Variants in VDAC1 observed in about 807,000 individuals in gnomAD.
VDAC1 encodes the protein non-selective voltage-gated ion channel VDAC1.
Under a neutral mutation model 34.7 loss-of-function variants are expected in VDAC1, and 10 were observed. The ratio of observed to expected loss-of-function variants is 0.29; its 90% CI spans 0.18 to 0.49. The LOEUF (loss-of-function observed/expected upper bound fraction) is 0.49, where lower values mean the gene tolerates loss of function less well. Ranked by LOEUF, VDAC1 falls within the 20% of genes least tolerant of loss-of-function variation. VDAC1 has a pLI of 0.99. For missense variants in VDAC1, 230 were observed against 347.9 expected (o/e 0.66, Z 2.69); for synonymous variants, 130 against 136.0 (o/e 0.96, Z 0.30).
At chr5:134,053,987 A>G in the VDAC1 span, among the ~76,000 whole-genome samples, 104,294 of 151,990 alleles carry the variant, frequency 0.69, 36,573 homozygotes, top group Admixed American at 0.78. Context: ...TTTGTTGTGC[A>G]AGCTGCTGTT....
chr5:134,042,555 G>T, the VDAC1 span, among the ~76,000 whole-genome samples: 1 of 152,092 alleles, frequency 6.6e-6, no homozygotes, highest in South Asian at 2.1e-4. Context: ...GTGCAGTGGT[G>T]CAATCTCAGC....
In VDAC1 at chr5:133,971,925, A is replaced by G. The variant is rs996331296; in HGVS notation, c.*846T>C. 1.3e-5 allele frequency: 2 copies of G among 152,694 alleles called. No homozygotes were observed. The highest frequency in any genetic ancestry group is 2.9e-5 in the Non-Finnish European group (2 of 68,050). The allele number at this position is 152,694 out of a possible 1,614,324, so 9.5% of individuals were successfully genotyped here. On this transcript the variant is annotated 3_prime_UTR_variant, in exon 9 of 9. Coordinates refer to ENST00000265333, the MANE Select transcript of VDAC1 (RefSeq NM_003374.3). The stretch of plus-strand genomic sequence containing the variant: ...ACAACAGAAGAAGGATGAGGTTTCA[A>G]TATTTTATTCAAGTTTTTTAAGTGT...
the VDAC1 span, among the ~76,000 whole-genome samples, chr5:134,078,342 G>A: frequency 7.2e-5 from 11 of 152,176 alleles, no homozygotes; most frequent in African/African-American, 2.2e-4. Flanking sequence ...CGAGGGATTC[G>A]GCTGAAAGTT....
At chr5:134,073,328 C>T in the VDAC1 span, among the ~76,000 whole-genome samples, 2 of 152,202 alleles carry the variant, frequency 1.3e-5, no homozygotes, top group Non-Finnish European at 2.9e-5. Flanking sequence ...AGGGGCATCG[C>T]ATGGGAACTT....
the VDAC1 span, among the ~76,000 whole-genome samples, chr5:134,018,138 G>A: frequency 2.6e-5 from 4 of 152,290 alleles, no homozygotes; most frequent in African/African-American, 7.2e-5. Flanking sequence ...AGCATGGTGC[G>A]GGCATCTGCT....
chr5:134,080,140 G>A, the VDAC1 span, among the ~76,000 whole-genome samples: 81 of 152,344 alleles, frequency 5.3e-4, no homozygotes, highest in South Asian at 3.1e-3. Flanking sequence ...CTGAGCATTG[G>A]CCTCTCTCAG....
At chr5:134,022,365 T>C in the VDAC1 span, among the ~76,000 whole-genome samples, 3 of 152,344 alleles carry the variant, frequency 2.0e-5, no homozygotes, top group Non-Finnish European at 2.9e-5. Context: ...AGAAATTTAT[T>C]GGCACACAGT....
rs1580703462 is a variant in VDAC1, at chr5:133,972,361, A to G, written c.*410T>C. 2 of 373,878 alleles carry G rather than the reference A, an allele frequency of 5.3e-6. No individual in the cohort carries two copies. The highest frequency in any genetic ancestry group is 9.5e-6 in the Non-Finnish European group (2 of 210,576). The allele number at this position is 373,878 out of a possible 1,614,324, so 23.2% of individuals were successfully genotyped here. A position where few individuals can be genotyped will look rare whatever the true frequency, so the allele number is the denominator to read the frequency against. On this transcript the variant is annotated 3_prime_UTR_variant, in exon 9 of 9. Transcript: ENST00000265333. ...TGTCTAAAAAAGTCCCATTCAGGTGAGTTTGTACACACCATCAAGCAGCGA... is the reference window on the plus strand; with the variant it reads ...TGTCTAAAAAAGTCCCATTCAGGTGGGTTTGTACACACCATCAAGCAGCGA...
At chr5:134,098,217 CAG>C in the VDAC1 span, among the ~76,000 whole-genome samples, 1 of 140,558 alleles carries the variant, frequency 7.1e-6, no homozygotes. Context: ...TATTTTGAGA[CAG>C]AGTCTTGCTC....
the VDAC1 span, among the ~76,000 whole-genome samples, chr5:134,026,981 T>C: frequency 6.6e-6 from 1 of 152,238 alleles, no homozygotes; most frequent in Admixed American, 6.5e-5. Context: ...AAGGGCAACC[T>C]GGCCCTGGAC....
chr5:134,056,738 T>C, the VDAC1 span, among the ~76,000 whole-genome samples: 1 of 152,214 alleles, frequency 6.6e-6, no homozygotes, highest in Non-Finnish European at 1.5e-5. Context: ...CAGGCTGGAG[T>C]GCAATGGCAC....
chr5:134,100,688 C>T, the VDAC1 span, among the ~76,000 whole-genome samples: 13 of 152,260 alleles, frequency 8.5e-5, no homozygotes, highest in Admixed American at 6.5e-5. Flanking sequence ...GTCGGGGAAT[C>T]CCCTCCAGCT....
the VDAC1 span, among the ~76,000 whole-genome samples, chr5:134,014,891 CA>C: frequency 6.6e-6 from 1 of 151,992 alleles, no homozygotes; most frequent in Non-Finnish European, 1.5e-5. Flanking sequence ...ATCATTCTAC[CA>C]AAAAGACAAA....
At chr5:134,010,254 C>T in the VDAC1 span, among the ~76,000 whole-genome samples, 2 of 152,192 alleles carry the variant, frequency 1.3e-5, no homozygotes, top group African/African-American at 4.8e-5. Flanking sequence ...TGGTTTCCAG[C>T]TTGGGCATAT....
intron 8 of VDAC1, among the ~76,000 whole-genome samples, chr5:133,973,578 C>T (rs569386100): frequency 6.6e-6 from 1 of 152,278 alleles, no homozygotes; most frequent in Admixed American, 6.5e-5. Flanking sequence ...TAGCCTCAGC[C>T]TTTTTCCTCC....
chr5:134,096,447 C>T, the VDAC1 span, among the ~76,000 whole-genome samples: 1 of 152,234 alleles, frequency 6.6e-6, no homozygotes, highest in South Asian at 2.1e-4. Flanking sequence ...GGAGCTGTCT[C>T]TGCCAGGGCT....
chr5:134,027,767 C>CTTTTTTTTTTT, the VDAC1 span, among the ~76,000 whole-genome samples: 1 of 120,656 alleles, frequency 8.3e-6, no homozygotes, highest in African/African-American at 3.2e-5. Flanking sequence ...ATCTTGCCTA[C>CTTTTTTTTTTT]TTTTTTTTTT....
At chr5:134,060,687 G>A in the VDAC1 span, among the ~76,000 whole-genome samples, 3 of 151,614 alleles carry the variant, frequency 2.0e-5, no homozygotes, top group East Asian at 5.8e-4. Context: ...AATGGTCTTG[G>A]TAAAATTCTA....
At chr5:134,014,649 C>A in the VDAC1 span, among the ~76,000 whole-genome samples, 1 of 152,148 alleles carries the variant, frequency 6.6e-6, no homozygotes, top group Non-Finnish European at 1.5e-5. Context: ...AGGCGGATCA[C>A]AAGGTCAGGA....
Sources: gnomAD v4.1 joint callset for allele counts (sites outside exome capture counted in the v4.1 genomes callset) on GRCh38, gnomAD v4.1.1 for gene constraint, MANE v1.5 for transcripts, NCBI Gene and HGNC (gene_info 2026-07-23, HGNC 2026-07-21) for gene names.